The following LRIG3 variants were observed in gnomAD, a reference collection of about 807,000 sequenced individuals.
LRIG3 encodes the protein leucine-rich repeats and immunoglobulin-like domains protein 3.
Under a neutral mutation model 114.5 loss-of-function variants are expected in LRIG3, and 76 were observed. The ratio of observed to expected loss-of-function variants is 0.66; its 90% CI spans 0.55 to 0.80. LRIG3 has a LOEUF of 0.80. LRIG3 is among the 30% of genes least tolerant of loss of function. The pLI, the probability that LRIG3 is intolerant of heterozygous loss-of-function variation, is 0.00. For missense variants in LRIG3, 1,239 were observed against 1,382.8 expected, an observed-to-expected ratio of 0.90 and a Z score of 1.65; for synonymous variants, 512 against 519.8, an observed-to-expected ratio of 0.98 and a Z score of 0.20.
rs141046108 is a variant in LRIG3 at position 58,911,223 on chromosome 12, T to C, written c.383+2759A>G. On this transcript the variant is annotated intron_variant, in intron 3 of 18. Transcript: ENST00000320743. The stretch of plus-strand genomic sequence containing the variant: ...ATTCCTATCATCCCAGATTCCCTGA[T>C]ATTATGAGAATAGGTCCCTAACTGA... Among the ~76,000 whole-genome samples the C allele has an allele frequency of 1.2e-3, 188 of 152,260 alleles. 1 individual carries two copies. The highest frequency in any genetic ancestry group is 4.3e-3 in the African/African-American group (180 of 41,546).
At chr12:58,903,578 C>T (rs1157416940) in intron 3 of LRIG3, among the ~76,000 whole-genome samples, 1 of 151,974 alleles carries the variant, frequency 6.6e-6, no homozygotes, top group East Asian at 1.9e-4. Flanking sequence ...AATTAGATCC[C>T]ATTTGTCAAT....
At chr12:58,905,821 G>C (rs1872044365) in intron 3 of LRIG3, among the ~76,000 whole-genome samples, 1 of 152,126 alleles carries the variant, frequency 6.6e-6, no homozygotes, top group Non-Finnish European at 1.5e-5. Context: ...CAGCAAAAAG[G>C]TTCCCCAAAT....
rs781263547 is a variant in LRIG3, at chr12:58,876,450, C to T, written c.2690G>A (p.Ser897Asn). The T allele has an allele frequency of 1.2e-6, 2 of 1,613,842 alleles. No homozygotes were observed. Among genetic ancestry groups the T allele is most frequent in the Non-Finnish European group, 8.5e-7 (1 of 1,179,938 alleles). ...GAGFFLPQHDSSGTCHIDNSS... is the reference protein window; with the variant it reads ...GAGFFLPQHDNSGTCHIDNSS... ...CATTCATTTTAAACACTTACCACTA[C>T]TGTCATGTTGTGGTAAGAAAAATCC... The change falls in exon 16 of 19, where the codon AGT (serine) becomes AAT (asparagine). Residue 897 changes from serine to asparagine, a missense_variant. Transcript: ENST00000320743.
At chr12:58,888,596 T>C in intron 6 of LRIG3, 124 bp from the exon 7 acceptor site, 1 of 1,366,044 alleles carries the variant, frequency 7.3e-7, no homozygotes, top group South Asian at 1.5e-5. Flanking sequence ...TTTTGTTATA[T>C]GAAGACGTCA....
In LRIG3 at chr12:58,887,026, A is replaced by C. The variant is rs372336155; in HGVS notation, c.1092-136T>G. ...TCCACCTCTCTCAAAATAATAGAAAACTCTTTTTCTCCAACTTACCTCTTA... is the reference window on the plus strand; with the variant it reads ...TCCACCTCTCTCAAAATAATAGAAACCTCTTTTTCTCCAACTTACCTCTTA... On this transcript the variant is annotated intron_variant, in intron 8 of 18. Transcript: ENST00000320743. 5 of 603,078 alleles carry C rather than the reference A, an allele frequency of 8.3e-6. No individual in the cohort carries two copies. In the East Asian group the frequency reaches 8.8e-5, roughly 11 times the overall value. 37.4% of individuals were successfully genotyped at this position (603,078 alleles called of 1,614,324 possible). A position where few individuals can be genotyped will look rare whatever the true frequency, so the allele number is the denominator to read the frequency against.
rs144542821 is a variant in LRIG3, at chr12:58,905,867, A to G, written c.383+8115T>C. Reference sequence around the variant, plus strand: ...AACCTTGGACTTCTCAGCCTCCACAATAAGAAATAAATTCCTTTTCTTCAT... The same window carrying G: ...AACCTTGGACTTCTCAGCCTCCACAGTAAGAAATAAATTCCTTTTCTTCAT... On this transcript the variant is annotated intron_variant, in intron 3 of 18. Coordinates refer to ENST00000320743, the MANE Select transcript of LRIG3 (RefSeq NM_153377.5). Among the ~76,000 whole-genome samples, 170 of 152,350 alleles carry G rather than the reference A, an allele frequency of 1.1e-3. 1 individual carries two copies. Among genetic ancestry groups the G allele is most frequent in the Middle Eastern group, 6.8e-3 (2 of 294 alleles).
Position 58,872,801 on chromosome 12 carries a change from G to A in LRIG3, c.3131C>T (p.Ala1044Val), listed in dbSNP as rs765289869. 1 of 1,612,154 alleles carries A rather than the reference G, an allele frequency of 6.2e-7. No homozygotes were observed. Among genetic ancestry groups the A allele is most frequent in the Non-Finnish European group, 8.5e-7 (1 of 1,178,726 alleles). Reference protein sequence around the residue: ...SNSFMGTFGKALRRPHLDAYS... With the variant: ...SNSFMGTFGKVLRRPHLDAYS... ...GGCATCTAGGTGAGGTCTCCTGAGA[G>A]CTTTTCCAAAGGTACCTGAAAGAAA... Residue 1044 changes from alanine (A) to valine (V), a missense_variant, in exon 19 of 19, where the codon GCT (alanine) becomes GTT (valine). Transcript: ENST00000320743.
In LRIG3 at chr12:58,886,858, A is replaced by G; in HGVS notation, c.1124T>C (p.Ile375Thr). ...DLKNNEISWT[I>T]EDMNGAFSGL... ...AGAGAAAGCACCATTCATGTCTTCA[A>G]TAGTCCAGGAAATTTCATTGTTCTT... The change falls in exon 9 of 19, where the codon ATT becomes ACT. Residue 375 changes from isoleucine to threonine, a missense_variant. Coordinates refer to ENST00000320743, the MANE Select transcript of LRIG3 (RefSeq NM_153377.5). 1.2e-6 allele frequency: 2 copies of G among 1,613,660 alleles called. No individual in the cohort carries two copies. The highest frequency in any genetic ancestry group is 1.7e-6 in the Non-Finnish European group (2 of 1,179,664).
rs554696805 is a variant in LRIG3 at position 58,895,992 on chromosome 12, T to C, written c.384-5196A>G. On this transcript the variant is annotated intron_variant, in intron 3 of 18. Coordinates refer to ENST00000320743, the MANE Select transcript of LRIG3 (RefSeq NM_153377.5). ...AGTTCTCATTCACTATCCATTACCA[T>C]TGCATTTGGTGCTTCTGATATGGGA... Among the ~76,000 whole-genome samples, 25 of 152,292 alleles carry C rather than the reference T, an allele frequency of 1.6e-4. No individual in the cohort carries two copies. The South Asian group carries it at 5.0e-3, about 30-fold the overall frequency.
At chr12:58,918,230 G>T (rs1475940177) in intron 1 of LRIG3, among the ~76,000 whole-genome samples, 1 of 152,194 alleles carries the variant, frequency 6.6e-6, no homozygotes, top group Non-Finnish European at 1.5e-5. Context: ...ACTGCTGGTG[G>T]AAATGTAATT....
Position 58,878,850 on chromosome 12 carries a change from G to A in LRIG3, c.2057C>T (p.Ser686Leu), listed in dbSNP as rs1266560096. 6.2e-7 allele frequency: 1 copy of A among 1,613,944 alleles called. No individual in the cohort carries two copies. The highest frequency in any genetic ancestry group is 1.1e-5 in the South Asian group (1 of 91,076). The change falls in exon 14 of 19, where the codon TCA (serine) becomes TTA (leucine). Residue 686 changes from serine to leucine, a missense_variant. Transcript: ENST00000320743. ...TAGGACAGTCAGAGTTGCATTTGCT[G>A]AAATACTTCCTGCACTGTTCTGAGC... is the stretch of plus-strand genomic sequence containing the variant. Reference protein sequence around the residue: ...CTAQNSAGSISANATLTVLET... With the variant: ...CTAQNSAGSILANATLTVLET...
intron 3 of LRIG3, among the ~76,000 whole-genome samples, chr12:58,894,783 CA>C (rs1388151298): frequency 3.3e-5 from 5 of 152,202 alleles, no homozygotes; most frequent in African/African-American, 1.2e-4. Context: ...GTTCAAAAAT[CA>C]CAAAATAAAC....
chr12:58,876,726 T>G (rs1870931907), intron 15 of LRIG3, 123 bp from the exon 16 acceptor site: 1 of 952,606 alleles, frequency 1.0e-6, no homozygotes. Context: ...AGATCTACTC[T>G]GGCAAAACCA....
intron 3 of LRIG3, among the ~76,000 whole-genome samples, chr12:58,895,795 G>A (rs965819896): frequency 6.6e-6 from 1 of 152,160 alleles, no homozygotes; most frequent in African/African-American, 2.4e-5. Context: ...CTTCATGCAG[G>A]ACAGACGACA....
At chr12:58,900,022 C>A (rs540123250) in intron 3 of LRIG3, among the ~76,000 whole-genome samples, 2 of 152,104 alleles carry the variant, frequency 1.3e-5, no homozygotes, top group Non-Finnish European at 2.9e-5. Flanking sequence ...ATGTTGCCCC[C>A]CCTCAATCAT....
intron 3 of LRIG3, among the ~76,000 whole-genome samples, chr12:58,902,971 G>T (rs1456300820): frequency 1.3e-5 from 2 of 152,088 alleles, no homozygotes; most frequent in African/African-American, 4.8e-5. Flanking sequence ...GTCTATCATT[G>T]TTGGACACTT....
chr12:58,878,473 AT>A (rs547926897), intron 14 of LRIG3, among the ~76,000 whole-genome samples: 128 of 151,136 alleles, frequency 8.5e-4, no homozygotes, highest in Non-Finnish European at 1.4e-3. Flanking sequence ...TTGTTCCCAC[AT>A]TTTTTTTTAA....
intron 1 of LRIG3, chr12:58,919,674 A>C: frequency 2.5e-6 from 3 of 1,217,258 alleles, no homozygotes; most frequent in South Asian, 1.6e-5. Flanking sequence ...GCCTGGCAGG[A>C]GCAAGCATTT....
At chr12:58,881,931 C>T (rs2120889217) in intron 12 of LRIG3, among the ~76,000 whole-genome samples, 1 of 152,250 alleles carries the variant, frequency 6.6e-6, no homozygotes, top group Non-Finnish European at 1.5e-5. Flanking sequence ...GATCTTGGGA[C>T]TAAAAAACTA....
Sources: gnomAD v4.1 joint callset for allele counts (sites outside exome capture counted in the v4.1 genomes callset) on GRCh38, gnomAD v4.1.1 for gene constraint, MANE v1.5 for transcripts, NCBI Gene and HGNC (gene_info 2026-07-23, HGNC 2026-07-21) for gene names.